The following WWOX variants were observed in gnomAD, a reference collection of about 807,000 sequenced individuals.
WWOX encodes WW domain containing oxidoreductase.
A neutral mutation model predicts 46.2 loss-of-function variants in WWOX; 69 were observed. That is an observed-to-expected ratio of 1.49 (90% CI 1.23 to 1.82). The LOEUF (loss-of-function observed/expected upper bound fraction) is 1.82. WWOX is among the 40% of genes most tolerant of loss of function. The probability of loss-of-function intolerance (pLI) is 0.00; values close to 1 mark genes in which losing one functional copy is unlikely to be tolerated. For synonymous variants in WWOX, 359 were observed against 202.6 expected, an observed-to-expected ratio of 1.77 and a Z score of -6.56; for missense variants, 919 against 542.6, an observed-to-expected ratio of 1.69 and a Z score of -6.89.
At chr16:78,844,069 G>A (rs1157820477) in intron 8 of WWOX, among the ~76,000 whole-genome samples, 2 of 152,178 alleles carry the variant, frequency 1.3e-5, no homozygotes, top group African/African-American at 2.4e-5. Context: ...AAGCTGGTGC[G>A]TTATTTAACG....
At chr16:78,608,884 A>G (rs935825044) in intron 8 of WWOX, among the ~76,000 whole-genome samples, 2 of 152,170 alleles carry the variant, frequency 1.3e-5, no homozygotes, top group African/African-American at 4.8e-5. Context: ...ATCTGGGCAC[A>G]TGAATGGTCT....
chr16:78,246,992 G>A (rs1359507778), intron 5 of WWOX, among the ~76,000 whole-genome samples: 2 of 152,134 alleles, frequency 1.3e-5, no homozygotes, highest in African/African-American at 2.4e-5. Context: ...TCTTGCATGG[G>A]GAGGTGTTTT....
intron 5 of WWOX, among the ~76,000 whole-genome samples, chr16:78,223,782 C>G (rs2036965038): frequency 6.6e-6 from 1 of 152,154 alleles, no homozygotes; most frequent in African/African-American, 2.4e-5. Context: ...ATGATTTTCA[C>G]ATGGCTGGCG....
chr16:78,401,727 T>A lies in WWOX; in HGVS notation c.605+14779T>A, dbSNP rs2082418226. ...CTTTTTTCTTTTTTTTGAGACGGAG[T>A]CTTGCTCTGTCGCCCAGGCTGGAGT... On this transcript the variant is annotated intron_variant, in intron 6 of 8. Transcript: ENST00000566780. 4.0e-5 allele frequency among the ~76,000 whole-genome samples: 6 copies of A among 151,824 alleles called. No individual in the cohort carries two copies. The South Asian group carries it at 1.3e-3, about 32-fold the overall frequency.
At chr16:78,896,125 G>A (rs180739698) in intron 8 of WWOX, 7 of 151,660 alleles carry the variant, frequency 4.6e-5, no homozygotes, top group Non-Finnish European at 8.8e-5. Context: ...AGAAATAGTA[G>A]GTTTTATAAA....
chr16:78,579,626 G>C (rs2044997252), intron 8 of WWOX, among the ~76,000 whole-genome samples: 1 of 152,198 alleles, frequency 6.6e-6, no homozygotes, highest in Non-Finnish European at 1.5e-5. Flanking sequence ...CAAGGTTTTG[G>C]AGTGGGAAAG....
intron 5 of WWOX, among the ~76,000 whole-genome samples, chr16:78,286,652 A>T (rs1356003733): frequency 6.6e-6 from 1 of 152,012 alleles, no homozygotes; most frequent in African/African-American, 2.4e-5. Flanking sequence ...GGTATGATTT[A>T]TAAGTAGTAT....
At chr16:78,912,745 T>A (rs1282932148) in intron 8 of WWOX, among the ~76,000 whole-genome samples, 1 of 152,028 alleles carries the variant, frequency 6.6e-6, no homozygotes, top group East Asian at 1.9e-4. Flanking sequence ...AATGGTAAAA[T>A]TGATTCTCTA....
At chr16:78,822,236 G>A (rs887712327) in intron 8 of WWOX, among the ~76,000 whole-genome samples, 6 of 152,078 alleles carry the variant, frequency 3.9e-5, no homozygotes, top group African/African-American at 1.4e-4. Flanking sequence ...GCTTACCCCT[G>A]TAATCACAGC....
At chr16:78,189,587 G>C (rs2035817039) in intron 5 of WWOX, among the ~76,000 whole-genome samples, 1 of 152,174 alleles carries the variant, frequency 6.6e-6, no homozygotes, top group South Asian at 2.1e-4. Context: ...AGATCAAGTA[G>C]TTAACAGCCA....
chr16:79,115,190 G>A (rs988689270), intron 8 of WWOX, among the ~76,000 whole-genome samples: 1 of 152,154 alleles, frequency 6.6e-6, no homozygotes, highest in Non-Finnish European at 1.5e-5. Flanking sequence ...GGATTCAAAT[G>A]GGGTTGCTTG....
intron 8 of WWOX, among the ~76,000 whole-genome samples, chr16:79,019,486 A>T (rs1278817556): frequency 6.6e-6 from 1 of 152,076 alleles, no homozygotes; most frequent in East Asian, 1.9e-4. Flanking sequence ...AAAATATGAT[A>T]TTATAATCTT....
chr16:78,931,402 G>T (rs1178318365), intron 8 of WWOX, among the ~76,000 whole-genome samples: 2 of 152,212 alleles, frequency 1.3e-5, no homozygotes, highest in African/African-American at 4.8e-5. Flanking sequence ...AATGATGGAG[G>T]GAGAATGGGA....
intron 8 of WWOX, among the ~76,000 whole-genome samples, chr16:78,729,993 C>G (rs1567520745): frequency 6.6e-6 from 1 of 152,164 alleles, no homozygotes; most frequent in South Asian, 2.1e-4. Flanking sequence ...TGCCACCTTG[C>G]AACATCATCC....
chr16:78,141,840 C>G (rs544509421), intron 4 of WWOX, among the ~76,000 whole-genome samples: 2 of 151,884 alleles, frequency 1.3e-5, no homozygotes, highest in East Asian at 3.9e-4. Flanking sequence ...ATGGAAATTT[C>G]CTAAATAACT....
chr16:78,138,440 G>A (rs1391567688), intron 4 of WWOX, among the ~76,000 whole-genome samples: 1 of 136,892 alleles, frequency 7.3e-6, no homozygotes, highest in Non-Finnish European at 1.7e-5. Flanking sequence ...AACCAAAAGG[G>A]AAAGGAGGAC....
At chr16:78,864,996 C>G (rs547321626) in intron 8 of WWOX, among the ~76,000 whole-genome samples, 2 of 152,010 alleles carry the variant, frequency 1.3e-5, no homozygotes, top group Non-Finnish European at 2.9e-5. Context: ...CTCCTGACCT[C>G]AAGTGATCCA....
intron 5 of WWOX, among the ~76,000 whole-genome samples, chr16:78,311,707 G>A (rs1285043855): frequency 6.6e-6 from 1 of 151,992 alleles, no homozygotes; most frequent in Non-Finnish European, 1.5e-5. Context: ...ACTTTAGTCT[G>A]GTTTATAATG....
At chr16:78,873,409 T>C (rs149212835) in intron 8 of WWOX, 11 of 152,206 alleles carry the variant, frequency 7.2e-5, no homozygotes, top group Admixed American at 6.5e-5. Context: ...GCAGCACAAA[T>C]ATTTACCATC....
Sources: allele counts gnomAD v4.1 joint callset (sites outside exome capture counted in the v4.1 genomes callset), GRCh38; gene constraint gnomAD v4.1.1; transcripts MANE v1.5; gene names NCBI Gene and HGNC (gene_info 2026-07-23, HGNC 2026-07-21).